The following PCSK6 variants were observed in gnomAD, a reference collection of about 807,000 sequenced individuals.
PCSK6 encodes proprotein convertase subtilisin/kexin type 6.
In PCSK6, 85 loss-of-function variants were observed where a neutral mutation model predicts 123.3. That is an observed-to-expected ratio of 0.69 (90% CI 0.58 to 0.83). The LOEUF (loss-of-function observed/expected upper bound fraction) is 0.83. Among genes scored for constraint, PCSK6 ranks in the 40% least tolerant of loss-of-function variants. PCSK6 has a pLI of 0.00. For missense variants in PCSK6, 1,191 were observed against 1,282.3 expected (o/e 0.93, Z 1.09); for synonymous variants, 508 against 516.0 (o/e 0.98, Z 0.21).
intron 1 of PCSK6, among the ~76,000 whole-genome samples, chr15:101,482,290 G>A (rs545238568): frequency 1.3e-5 from 2 of 152,220 alleles, no homozygotes; most frequent in Non-Finnish European, 2.9e-5. Flanking sequence ...GGGCTGGTGA[G>A]GGCCTTCGGA....
At chr15:101,457,973 A>G (rs1283903849) in intron 1 of PCSK6, among the ~76,000 whole-genome samples, 4 of 152,110 alleles carry the variant, frequency 2.6e-5, no homozygotes, top group Non-Finnish European at 5.9e-5. Flanking sequence ...ACCCCCTACC[A>G]GCGCTGACAT....
chr15:101,415,395 C>G (rs1398418808), intron 6 of PCSK6, among the ~76,000 whole-genome samples: 1 of 152,172 alleles, frequency 6.6e-6, no homozygotes, highest in Non-Finnish European at 1.5e-5. Flanking sequence ...GAATGAGGGC[C>G]CAGCACAGCC....
intron 2 of PCSK6, among the ~76,000 whole-genome samples, chr15:101,434,362 C>A (rs2056535554): frequency 6.6e-6 from 1 of 152,214 alleles, no homozygotes; most frequent in South Asian, 2.1e-4. Flanking sequence ...CCAGACCACA[C>A]TTCCAGTCAG....
At chr15:101,416,367 T>C (rs771806609) in intron 6 of PCSK6, among the ~76,000 whole-genome samples, 103 of 152,210 alleles carry the variant, frequency 6.8e-4, no homozygotes, top group Non-Finnish European at 1.3e-3. Context: ...TAGCAAAGCA[T>C]TTAAAAGGTG....
intron 13 of PCSK6, among the ~76,000 whole-genome samples, chr15:101,337,603 CT>C (rs1338240933): frequency 6.6e-6 from 1 of 152,188 alleles, no homozygotes; most frequent in Non-Finnish European, 1.5e-5. Context: ...ACACAGCACC[CT>C]GTTTTCTCTT....
intron 6 of PCSK6, among the ~76,000 whole-genome samples, chr15:101,413,635 C>G (rs1037136146): frequency 6.6e-6 from 1 of 151,906 alleles, no homozygotes; most frequent in African/African-American, 2.4e-5. Flanking sequence ...GACAGCAGAC[C>G]GGGGGGCTAC....
intron 6 of PCSK6, among the ~76,000 whole-genome samples, chr15:101,399,784 ACT>A (rs71154325): frequency 0.013 from 1,933 of 151,516 alleles, 24 homozygotes; most frequent in South Asian, 0.04. Context: ...CCCTGGGTCA[ACT>A]CTCTTCATGG....
At chr15:101,356,505 CAAAAAA>C (rs34350017) in intron 13 of PCSK6, among the ~76,000 whole-genome samples, 5 of 86,244 alleles carry the variant, frequency 5.8e-5, no homozygotes, top group African/African-American at 2.2e-4. Context: ...ACTAAAACTA[CAAAAAA>C]AAAAAAAAAA....
chr15:101,352,137 ATTTTTTT>A (rs56844456), intron 13 of PCSK6, among the ~76,000 whole-genome samples: 1 of 97,012 alleles, frequency 1.0e-5, no homozygotes, highest in Non-Finnish European at 1.9e-5. Context: ...TATTTTTCTA[ATTTTTTT>A]TTTTTTTTTT....
intron 11 of PCSK6, among the ~76,000 whole-genome samples, chr15:101,371,012 C>G (rs978696783): frequency 1.6e-4 from 25 of 152,290 alleles, no homozygotes; most frequent in African/African-American, 6.0e-4. Flanking sequence ...AGTTTGAGAC[C>G]AGCCTGGCCA....
rs76862491 is a variant in PCSK6, at chr15:101,319,491, A to G, written c.2466-1069T>C. 8.2e-3 allele frequency among the ~76,000 whole-genome samples: 1,250 copies of G among 152,354 alleles called. 18 individuals are homozygous for G. Among genetic ancestry groups the G allele is most frequent in the African/African-American group, 0.029 (1,187 of 41,568 alleles). On this transcript the variant is annotated intron_variant, in intron 18 of 21. Transcript: ENST00000611716. ...ATTATCAAAGTGCTAAATGTCTTTA[A>G]TAACTGATAGCTGGGGGTTCCTGGG... is the stretch of plus-strand genomic sequence containing the variant.
chr15:101,356,196 G>C (rs72770747), intron 13 of PCSK6, among the ~76,000 whole-genome samples: 2,294 of 152,304 alleles, frequency 0.015, 27 homozygotes, highest in East Asian at 0.043. Flanking sequence ...CATCGCCCCA[G>C]CTCTGCCTGC....
At chr15:101,403,604 A>C (rs533674733) in intron 6 of PCSK6, among the ~76,000 whole-genome samples, 1 of 152,302 alleles carries the variant, frequency 6.6e-6, no homozygotes, top group East Asian at 1.9e-4. Flanking sequence ...CCAATGCAAG[A>C]ACAAGAACGT....
intron 1 of PCSK6, among the ~76,000 whole-genome samples, chr15:101,454,507 T>A (rs767508073): frequency 6.6e-5 from 10 of 152,016 alleles, no homozygotes; most frequent in Non-Finnish European, 1.3e-4. Context: ...CTGTGCTCAG[T>A]GAAATGAGCC....
At position 101,424,671 on chromosome 15, in the gene PCSK6, T is replaced by G. The variant is rs374313723; in HGVS notation, c.823+3221A>C. Among the ~76,000 whole-genome samples the G allele has an allele frequency of 3.3e-5, 5 of 152,366 alleles. No individual in the cohort carries two copies. In the South Asian group the frequency reaches 6.2e-4, roughly 19 times the overall value. On this transcript the variant is annotated intron_variant, in intron 6 of 21. Transcript: ENST00000611716. Reference sequence around the variant, plus strand: ...CATAAGTAGTTTGCGGTCAACTACATGTTTAAAACAAGAAATGCACTGTGG... The same window carrying G: ...CATAAGTAGTTTGCGGTCAACTACAGGTTTAAAACAAGAAATGCACTGTGG...
At chr15:101,388,051 C>T (rs1454876461) in intron 9 of PCSK6, among the ~76,000 whole-genome samples, 7 of 152,202 alleles carry the variant, frequency 4.6e-5, no homozygotes, top group Non-Finnish European at 8.8e-5. Flanking sequence ...GGGGACAATG[C>T]GCCCCGGAGC....
chr15:101,473,263 G>A (rs373963287), intron 1 of PCSK6, among the ~76,000 whole-genome samples: 82 of 152,120 alleles, frequency 5.4e-4, no homozygotes, highest in Middle Eastern at 3.4e-3. Flanking sequence ...TTTTTGTAGA[G>A]ACAGTGTCTC....
At position 101,418,523 on chromosome 15, in the gene PCSK6, T is replaced by A. The variant is rs868642206; in HGVS notation, c.823+9369A>T. On this transcript the variant is annotated intron_variant, in intron 6 of 21. Transcript: ENST00000611716. ...AAGAAAAAGTTTCCAATTTAGGATT[T>A]TTTTTTTTTTTTTTTTGAGGCAAAG... 6.7e-3 allele frequency among the ~76,000 whole-genome samples: 986 copies of A among 146,474 alleles called. 11 individuals are homozygous for A. Among genetic ancestry groups the A allele is most frequent in the African/African-American group, 0.024 (921 of 38,242 alleles).
At chr15:101,418,111 C>A (rs2055954041) in intron 6 of PCSK6, among the ~76,000 whole-genome samples, 1 of 152,042 alleles carries the variant, frequency 6.6e-6, no homozygotes, top group African/African-American at 2.4e-5. Context: ...ATTTGAAAAT[C>A]TTGAAAAATT....
Sources: gnomAD v4.1 joint callset for allele counts (sites outside exome capture counted in the v4.1 genomes callset) on GRCh38, gnomAD v4.1.1 for gene constraint, MANE v1.5 for transcripts, NCBI Gene and HGNC (gene_info 2026-07-23, HGNC 2026-07-21) for gene names.